Variants in TRPM6 observed in about 807,000 individuals in gnomAD.
The protein encoded by TRPM6 is transient receptor potential cation channel subfamily M member 6, also known as channel kinase 2.
In TRPM6, 111 loss-of-function variants were observed where a neutral mutation model predicts 247.6. That is an observed-to-expected ratio of 0.45 (90% CI 0.38 to 0.52). The LOEUF is 0.52. Ranked by LOEUF, TRPM6 falls within the 20% of genes least tolerant of loss-of-function variation. The pLI, the probability that TRPM6 is intolerant of heterozygous loss-of-function variation, is 0.00. For synonymous variants in TRPM6, 892 were observed against 853.8 expected, an observed-to-expected ratio of 1.04 and a Z score of -0.78; for missense variants, 2,126 against 2,421.5, an observed-to-expected ratio of 0.88 and a Z score of 2.56.
At chr9:74,796,979 A>G in intron 17 of TRPM6, 86 bp from the exon 18 acceptor site, 2 of 1,268,760 alleles carry the variant, frequency 1.6e-6, no homozygotes. Flanking sequence ...ATTTCAGTGT[A>G]TATAAAATGC....
At chr9:74,775,409 C>T (rs1827184792) in intron 24 of TRPM6, among the ~76,000 whole-genome samples, 1 of 152,148 alleles carries the variant, frequency 6.6e-6, no homozygotes, top group Admixed American at 6.6e-5. Context: ...CACCTCCATG[C>T]TCAGTAGATT....
chr9:74,882,940 T>C (rs1380881827), intron 1 of TRPM6, among the ~76,000 whole-genome samples: 2 of 152,164 alleles, frequency 1.3e-5, no homozygotes, highest in East Asian at 3.9e-4. Context: ...GCTAAGTATA[T>C]TCACATTGTT....
intron 1 of TRPM6, among the ~76,000 whole-genome samples, chr9:74,874,849 G>A (rs1279991599): frequency 2.0e-5 from 3 of 150,628 alleles, no homozygotes; most frequent in Non-Finnish European, 4.4e-5. Context: ...TCCACCTCCC[G>A]AGTTCAAGTG....
At chr9:74,732,863 T>A in intron 36 of TRPM6, 127 bp from the exon 37 acceptor site, 1 of 785,026 alleles carries the variant, frequency 1.3e-6, no homozygotes, top group Non-Finnish European at 2.1e-6. Context: ...AAATTAAACA[T>A]CATGAGCCCA....
intron 25 of TRPM6, among the ~76,000 whole-genome samples, chr9:74,768,012 C>T (rs904710728): frequency 6.6e-5 from 10 of 152,058 alleles, no homozygotes; most frequent in Admixed American, 2.0e-4. Context: ...AATTTTCAGA[C>T]GGTACATATC....
chr9:74,803,069 A>C (rs888632658), intron 15 of TRPM6, among the ~76,000 whole-genome samples: 10 of 152,210 alleles, frequency 6.6e-5, no homozygotes, highest in African/African-American at 2.4e-4. Context: ...TTAGCAAAAA[A>C]TTATAATCCA....
chr9:74,736,376 T>C (rs2118721229), intron 36 of TRPM6, among the ~76,000 whole-genome samples: 1 of 152,296 alleles, frequency 6.6e-6, no homozygotes, highest in Admixed American at 6.5e-5. Flanking sequence ...ATGTGCATTA[T>C]CTCTCCAAAG....
chr9:74,815,888 A>T (rs1366453915), intron 11 of TRPM6, among the ~76,000 whole-genome samples: 1 of 152,250 alleles, frequency 6.6e-6, no homozygotes, highest in Non-Finnish European at 1.5e-5. Context: ...ATACAGCCAC[A>T]ACTATAATCT....
chr9:74,785,784 A>G (rs940437131), intron 21 of TRPM6, 90 bp downstream of exon 21: 18 of 1,483,574 alleles, frequency 1.2e-5, no homozygotes, highest in African/African-American at 9.7e-5. Context: ...TGGCCTCCCA[A>G]AGTGCTGGGA....
intron 1 of TRPM6, 31 bp from the exon 2 acceptor site, chr9:74,858,779 T>C: frequency 6.6e-7 from 1 of 1,519,896 alleles, no homozygotes; most frequent in Non-Finnish European, 9.1e-7. Context: ...TTTTATACTC[T>C]AATTATGTGA....
chr9:74,768,698 C>CCCA (rs1017746369), intron 25 of TRPM6, among the ~76,000 whole-genome samples: 2 of 152,222 alleles, frequency 1.3e-5, no homozygotes, highest in African/African-American at 4.8e-5. Context: ...TCTTTTCAAT[C>CCCA]CCACCACCAC....
chr9:74,773,800 T>C (rs1359877967), intron 24 of TRPM6, among the ~76,000 whole-genome samples: 1 of 152,216 alleles, frequency 6.6e-6, no homozygotes, highest in African/African-American at 2.4e-5. Flanking sequence ...TGGCTAAAAG[T>C]ATTATTCAGC....
At chr9:74,875,651 T>C (rs142465444) in intron 1 of TRPM6, among the ~76,000 whole-genome samples, 2,334 of 152,316 alleles carry the variant, frequency 0.015, 65 homozygotes, top group African/African-American at 0.052. Context: ...CTAAAAATGA[T>C]AGTTAATTTT....
rs760987254 is a variant in TRPM6 at position 74,738,576 on chromosome 9, G to A, written c.5607C>T (p.Ala1869=). The A allele has an allele frequency of 6.2e-6, 10 of 1,614,018 alleles. No homozygotes were observed. The highest frequency in any genetic ancestry group is 1.6e-4 in the Middle Eastern group (1 of 6,062). The change falls in exon 36 of 39, where the codon GCC becomes GCT. Residue 1869 remains alanine (A), a synonymous_variant. Coordinates refer to ENST00000360774, the MANE Select transcript of TRPM6 (RefSeq NM_017662.5). ...LEVFLIYCHS[A]NQWLTIEKYM... is the part of the protein sequence containing the mutation. Reference sequence around the variant, plus strand: ...ACTTCTCAATGGTCAACCACTGGTTGGCTGAATGGCAGTAGATTAAGAAAA... The same window carrying A: ...ACTTCTCAATGGTCAACCACTGGTTAGCTGAATGGCAGTAGATTAAGAAAA...
chr9:74,860,486 G>A (rs1830662268), intron 1 of TRPM6, among the ~76,000 whole-genome samples: 1 of 152,094 alleles, frequency 6.6e-6, no homozygotes, highest in Non-Finnish European at 1.5e-5. Flanking sequence ...AGCCTCCTGA[G>A]TAGGTGGGAT....
Position 74,840,112 on chromosome 9 carries a change from G to A in TRPM6, c.456C>T (p.Pro152=), listed in dbSNP as rs1829880975. 1 of 1,614,010 alleles carries A rather than the reference G, an allele frequency of 6.2e-7. No homozygotes were observed. Reference sequence around the variant, plus strand: ...GGCTGAAAATCTCTTTAAATTTAGAGGGCATAGTAAAGTTCTGGATGCCCC... The same window carrying A: ...GGCTGAAAATCTCTTTAAATTTAGAAGGCATAGTAAAGTTCTGGATGCCCC... The part of the protein sequence containing the change: ...VHGGIQNFTM[P]SKFKEIFSQG... The change falls in exon 5 of 39, where the codon CCC becomes CCT. Residue 152 remains proline, a synonymous_variant. Transcript: ENST00000360774.
At chr9:74,792,419 A>C (rs1827936926) in intron 19 of TRPM6, among the ~76,000 whole-genome samples, 1 of 152,222 alleles carries the variant, frequency 6.6e-6, no homozygotes, top group Admixed American at 6.5e-5. Flanking sequence ...GCTTGTTCTC[A>C]AACTCCAAAA....
At chr9:74,745,452 T>A (rs149691864) in intron 31 of TRPM6, among the ~76,000 whole-genome samples, 47 of 150,816 alleles carry the variant, frequency 3.1e-4, no homozygotes, top group African/African-American at 1.1e-3. Context: ...GTATAGTGTG[T>A]GTGTGTGTGC....
At chr9:74,875,101 C>G (rs1831153196) in intron 1 of TRPM6, 1 of 354,852 alleles carries the variant, frequency 2.8e-6, no homozygotes, top group South Asian at 2.1e-5. Context: ...TTTATCTTAG[C>G]CTCTTCCAGT....
Sources: allele counts gnomAD v4.1 joint callset (sites outside exome capture counted in the v4.1 genomes callset), GRCh38; gene constraint gnomAD v4.1.1; transcripts MANE v1.5; gene names NCBI Gene and HGNC (gene_info 2026-07-23, HGNC 2026-07-21).